Variants in ERCC6 observed in about 807,000 individuals in gnomAD.
ERCC6 encodes DNA excision repair protein ERCC-6.
ERCC6 carries 116 observed loss-of-function variants against 158.7 expected under a neutral mutation model. That is an observed-to-expected ratio of 0.73 (90% CI 0.63 to 0.85). The LOEUF (loss-of-function observed/expected upper bound fraction) is 0.85, where lower values mean the gene tolerates loss of function less well. Among genes scored for constraint, ERCC6 ranks in the 40% least tolerant of loss-of-function variants. ERCC6 has a pLI of 0.00. For synonymous variants in ERCC6, 678 were observed against 659.3 expected (o/e 1.03, Z -0.43); for missense variants, 1,698 against 1,799.4 (o/e 0.94, Z 1.02).
At position 49,481,966 on chromosome 10, in the gene ERCC6, C is replaced by A. The variant is rs115983952; in HGVS notation, c.2169+721G>T. Among the ~76,000 whole-genome samples the A allele has an allele frequency of 3.9e-3, 591 of 152,292 alleles. 6 individuals carry two copies. The highest frequency in any genetic ancestry group is 0.014 in the African/African-American group (574 of 41,576). On this transcript the variant is annotated intron_variant, in intron 10 of 20. Transcript: ENST00000355832. ...TGTAGCCTGAGGAACCCCTGAGAAC[C>A]AGCATCCTCCAGAGTCCTGCTCAGA...
the ERCC6 span, among the ~76,000 whole-genome samples, chr10:49,440,791 C>T: frequency 4.5e-4 from 69 of 152,074 alleles, no homozygotes; most frequent in Admixed American, 9.2e-4. Flanking sequence ...AGCAGCCAGG[C>T]GGGGGTTACA....
chr10:49,469,319 G>A (rs1323482436), intron 18 of ERCC6, among the ~76,000 whole-genome samples: 2 of 152,106 alleles, frequency 1.3e-5, no homozygotes, highest in Non-Finnish European at 2.9e-5. Flanking sequence ...ACCAGCATGT[G>A]TCTCCTGATA....
chr10:49,450,928 CAGCCTCCCAAGT>C (rs1850412647), downstream of ERCC6, among the ~76,000 whole-genome samples: 1 of 152,034 alleles, frequency 6.6e-6, no homozygotes, highest in Non-Finnish European at 1.5e-5. Context: ...TCTCCTGCCT[CAGCCTCCCAAGT>C]AGCTGGGACT....
At chr10:49,515,091 TG>T in intron 5 of ERCC6, 1 of 806,624 alleles carries the variant, frequency 1.2e-6, no homozygotes, top group South Asian at 3.2e-5. Context: ...GAAGGCAATG[TG>T]CTCTCTAAGA....
At chr10:49,504,296 G>A (rs1022526019) in intron 6 of ERCC6, 1 of 151,870 alleles carries the variant, frequency 6.6e-6, no homozygotes, top group Non-Finnish European at 1.5e-5. Context: ...TGTTTTTGCA[G>A]AGATTAAAAA....
intron 4 of ERCC6, chr10:49,525,071 G>A (rs896910894): frequency 4.1e-6 from 2 of 484,616 alleles, no homozygotes; most frequent in Non-Finnish European, 6.7e-6. Flanking sequence ...TATAAATACA[G>A]TTATAAATAG....
chr10:49,538,358 C>T (rs1377494040), intron 1 of ERCC6, among the ~76,000 whole-genome samples: 1 of 152,230 alleles, frequency 6.6e-6, no homozygotes, highest in Non-Finnish European at 1.5e-5. Flanking sequence ...GTTAAGTAGG[C>T]TGATGATGGC....
chr10:49,498,436 A>G (rs1210783068), intron 7 of ERCC6, among the ~76,000 whole-genome samples: 1 of 152,206 alleles, frequency 6.6e-6, no homozygotes, highest in Non-Finnish European at 1.5e-5. Context: ...CTGGTTCCAG[A>G]GGAGGATGTG....
chr10:49,502,745 C>T (rs1851376451), intron 6 of ERCC6: 1 of 152,132 alleles, frequency 6.6e-6, no homozygotes, highest in Non-Finnish European at 1.5e-5. Context: ...ATTTTTGTTA[C>T]AACCAGAGAA....
intron 5 of ERCC6, among the ~76,000 whole-genome samples, chr10:49,507,003 G>A (rs751786734): frequency 6.6e-6 from 1 of 152,024 alleles, no homozygotes; most frequent in Non-Finnish European, 1.5e-5. Flanking sequence ...ACACATATAA[G>A]GCATTTATCT....
At chr10:49,463,492 T>TA (rs1042217265) in intron 18 of ERCC6, among the ~76,000 whole-genome samples, 10 of 152,060 alleles carry the variant, frequency 6.6e-5, no homozygotes, top group African/African-American at 2.4e-4. Flanking sequence ...GAAGTTTTTT[T>TA]AAAAAAAGGA....
At chr10:49,527,264 C>A (rs1370396643) in intron 4 of ERCC6, among the ~76,000 whole-genome samples, 1 of 152,204 alleles carries the variant, frequency 6.6e-6, no homozygotes, top group Non-Finnish European at 1.5e-5. Context: ...AAGACAACAG[C>A]AGATCTGAGA....
chr10:49,473,303 C>G (rs1850814434), intron 14 of ERCC6, among the ~76,000 whole-genome samples, 174 bp downstream of exon 14: 1 of 152,146 alleles, frequency 6.6e-6, no homozygotes, highest in African/African-American at 2.4e-5. Context: ...ACAATCCCCG[C>G]CCCCAAATAT....
downstream of ERCC6, among the ~76,000 whole-genome samples, chr10:49,453,752 T>C (rs1449862735): frequency 8.9e-6 from 1 of 112,292 alleles, no homozygotes; most frequent in Non-Finnish European, 1.8e-5. Flanking sequence ...TTGCTGGATA[T>C]AGGATTCTTG....
intron 16 of ERCC6, among the ~76,000 whole-genome samples, 162 bp from the exon 17 acceptor site, chr10:49,471,282 T>C (rs1434251117): frequency 2.0e-5 from 3 of 152,132 alleles, no homozygotes; most frequent in African/African-American, 7.2e-5. Flanking sequence ...AGGAAATATA[T>C]AATACATCAG....
chr10:49,451,551 T>C (rs947451029), downstream of ERCC6, among the ~76,000 whole-genome samples: 1 of 152,218 alleles, frequency 6.6e-6, no homozygotes, highest in Non-Finnish European at 1.5e-5. Context: ...TTTTTTATTA[T>C]ATTGATATAA....
rs1395721762 is a variant in ERCC6 at position 49,458,791 on chromosome 10, TG to T, written c.*23del. On this transcript the variant is annotated 3_prime_UTR_variant, in exon 21 of 21. Transcript: ENST00000355832. ...GAAATGCCCGTTAGAAAAAGGGACT[TG>T]AAAGTTTAGGAAGCAATGTTGTTTA... 1.9e-6 allele frequency: 3 copies of T among 1,613,108 alleles called. No homozygotes were observed. Among genetic ancestry groups the T allele is most frequent in the Middle Eastern group, 3.3e-4 (2 of 6,058 alleles).
At chr10:49,464,556 T>G (rs1292056879) in intron 18 of ERCC6, among the ~76,000 whole-genome samples, 1 of 152,224 alleles carries the variant, frequency 6.6e-6, no homozygotes, top group Admixed American at 6.5e-5. Context: ...GCAGGGCATA[T>G]CAGAGACCTT....
intron 4 of ERCC6, 145 bp from the exon 5 acceptor site, chr10:49,524,922 T>C (rs1837276194): frequency 1.3e-6 from 2 of 1,504,066 alleles, no homozygotes; most frequent in Admixed American, 2.1e-5. Context: ...GCATGTTACA[T>C]ATGAAGGACA....
Sources: gnomAD v4.1 joint callset for allele counts (sites outside exome capture counted in the v4.1 genomes callset) on GRCh38, gnomAD v4.1.1 for gene constraint, MANE v1.5 for transcripts, NCBI Gene and HGNC (gene_info 2026-07-23, HGNC 2026-07-21) for gene names.